U2SURP: variants seen among roughly 807,000 people sequenced by gnomAD.
The protein encoded by U2SURP is U2 snRNP associated SURP domain containing.
U2SURP carries 9 observed loss-of-function variants against 144.9 expected under a neutral mutation model. The observed-to-expected ratio is 0.06, with a 90% CI of 0.04 to 0.11. U2SURP has a LOEUF of 0.11. Among genes scored for constraint, U2SURP ranks in the 10% least tolerant of loss-of-function variants. The pLI, the probability that U2SURP is intolerant of heterozygous loss-of-function variation, is 1.00. For missense variants in U2SURP, 724 were observed against 1,226.7 expected, an observed-to-expected ratio of 0.59 and a Z score of 6.12; for synonymous variants, 408 against 396.8, an observed-to-expected ratio of 1.03 and a Z score of -0.33.
intron 24 of U2SURP, among the ~76,000 whole-genome samples, chr3:143,047,057 C>T (rs1481911612): frequency 8.3e-6 from 1 of 120,894 alleles, no homozygotes; most frequent in Admixed American, 7.8e-5. Flanking sequence ...CTGACCCCCC[C>T]ACCTCCCTCC....
chr3:143,034,988 T>C lies in U2SURP; in HGVS notation c.1941+13T>C, dbSNP rs1227434368. The stretch of plus-strand genomic sequence containing the variant: ...TGAAAACTTTAAGGTACGTTTATTG[T>C]TTTACTATTTTTGCCCTAGTGTTTT... On this transcript the variant is annotated intron_variant, in intron 19 of 27. Transcript: ENST00000473835. 7.9e-7 allele frequency: 1 copy of C among 1,271,728 alleles called. No individual in the cohort carries two copies. The highest frequency in any genetic ancestry group is 1.5e-5 in the African/African-American group (1 of 65,492). 78.8% of individuals were successfully genotyped at this position (1,271,728 alleles called of 1,614,324 possible).
intron 16 of U2SURP, among the ~76,000 whole-genome samples, chr3:143,032,567 CAT>C (rs567979736): frequency 6.6e-6 from 1 of 152,258 alleles, no homozygotes; most frequent in South Asian, 2.1e-4. Context: ...AAGCTGAAAA[CAT>C]AATTGGAATC....
chr3:143,014,469 A>G, intron 4 of U2SURP, 60 bp downstream of exon 4: 1 of 1,192,100 alleles, frequency 8.4e-7, no homozygotes. Flanking sequence ...AGGGGTTAGT[A>G]AGTGTATTAG....
intron 18 of U2SURP, among the ~76,000 whole-genome samples, chr3:143,034,092 C>T (rs945206639): frequency 6.6e-6 from 1 of 152,106 alleles, no homozygotes; most frequent in Non-Finnish European, 1.5e-5. Flanking sequence ...AAGGAAGTTA[C>T]GTTGCTGTAT....
intron 6 of U2SURP, among the ~76,000 whole-genome samples, chr3:143,018,176 T>A (rs1458195277): frequency 6.6e-6 from 1 of 152,198 alleles, no homozygotes; most frequent in Non-Finnish European, 1.5e-5. Flanking sequence ...AAGAAATCCC[T>A]ACCCATTATC....
intron 9 of U2SURP, 34 bp downstream of exon 9, chr3:143,021,419 T>C (rs376103778): frequency 9.3e-5 from 149 of 1,607,984 alleles, no homozygotes; most frequent in Middle Eastern, 4.9e-4. Flanking sequence ...AATCGATAAA[T>C]TTTCCAAACT....
intron 6 of U2SURP, among the ~76,000 whole-genome samples, chr3:143,019,362 A>T (rs1936526625): frequency 1.3e-5 from 2 of 152,194 alleles, no homozygotes. Context: ...AAGATTATGA[A>T]TATTCATTCC....
At chr3:143,055,221 T>A (rs1935084406) in intron 27 of U2SURP, 102 bp downstream of exon 27, 10 of 1,020,022 alleles carry the variant, frequency 9.8e-6, no homozygotes, top group African/African-American at 1.7e-5. Context: ...TTTTTTTTTT[T>A]AAGGATTTTA....
rs2108268572 is a variant in U2SURP, at chr3:143,008,220, G to T, written c.46-2595G>T. 2.0e-5 allele frequency among the ~76,000 whole-genome samples: 3 copies of T among 152,060 alleles called. No individual in the cohort carries two copies. In the South Asian group the frequency reaches 6.2e-4, roughly 32 times the overall value. On this transcript the variant is annotated intron_variant, in intron 1 of 27. Transcript: ENST00000473835. ...TTTAATTTGGTGAATGGTTACGCAA[G>T]TGAGATCCTTGAAGATTATAGAGCT...
chr3:143,011,324 A>G (rs1304033723), intron 2 of U2SURP, among the ~76,000 whole-genome samples: 1 of 152,166 alleles, frequency 6.6e-6, no homozygotes. Context: ...TAAAGCTTTC[A>G]AGTAACATTT....
intron 4 of U2SURP, among the ~76,000 whole-genome samples, chr3:143,015,521 A>G (rs1377716745): frequency 6.6e-6 from 1 of 151,980 alleles, no homozygotes; most frequent in Non-Finnish European, 1.5e-5. Flanking sequence ...ATTAAATCAG[A>G]TTATTTTGTA....
intron 4 of U2SURP, 74 bp from the exon 5 acceptor site, chr3:143,016,183 C>A: frequency 7.5e-7 from 1 of 1,336,742 alleles, no homozygotes; most frequent in Non-Finnish European, 1.1e-6. Flanking sequence ...CCATATTATT[C>A]CTTGATGAAT....
chr3:143,021,807 A>G (rs1936648396), intron 10 of U2SURP, among the ~76,000 whole-genome samples: 1 of 152,174 alleles, frequency 6.6e-6, no homozygotes, highest in Non-Finnish European at 1.5e-5. Flanking sequence ...GGGTGTGACC[A>G]TTGATGAATA....
chr3:143,020,680 T>A lies in U2SURP; in HGVS notation c.720T>A (p.Gly240=). The A allele has an allele frequency of 6.2e-7, 1 of 1,612,550 alleles. No individual in the cohort carries two copies. Among genetic ancestry groups the A allele is most frequent in the South Asian group, 1.1e-5 (1 of 90,696 alleles). Reference sequence around the variant, plus strand: ...AACCTCCTCAGTCAGATTCTGATGGTCAGCGTCGTTCTAGTAAGTGGCATT... The same window carrying A: ...AACCTCCTCAGTCAGATTCTGATGGACAGCGTCGTTCTAGTAAGTGGCATT... ...RFEPPQSDSD[G]QRRSMDAPSR... is the part of the protein sequence containing the mutation. The change falls in exon 8 of 28, where the codon GGT becomes GGA. Residue 240 remains glycine, a synonymous_variant. Transcript: ENST00000473835.
chr3:143,056,165 A>G (rs1474582169), intron 27 of U2SURP, 147 bp from the exon 28 acceptor site: 2 of 746,914 alleles, frequency 2.7e-6, no homozygotes, highest in East Asian at 2.7e-5. Flanking sequence ...TGTGTGTACA[A>G]TAGAGTTTAA....
At chr3:143,013,412 ATAGT>A (rs750606386) in intron 3 of U2SURP, among the ~76,000 whole-genome samples, 3 of 152,104 alleles carry the variant, frequency 2.0e-5, no homozygotes, top group South Asian at 4.1e-4. Context: ...TAAATTTAAA[ATAGT>A]TAGCAGCAAT....
At chr3:143,049,554 A>G (rs960048555) in intron 24 of U2SURP, among the ~76,000 whole-genome samples, 1 of 152,154 alleles carries the variant, frequency 6.6e-6, no homozygotes, top group Non-Finnish European at 1.5e-5. Flanking sequence ...GGTATCATCC[A>G]AGATCCATGT....
At position 143,016,390 on chromosome 3, in the gene U2SURP, A is replaced by G; in HGVS notation, c.436+19A>G. ...GCTAAAGGTAAGTTTATAAAGTATAACTGCTAATAAAGCATAACTGTATTA... is the reference window on the plus strand; with the variant it reads ...GCTAAAGGTAAGTTTATAAAGTATAGCTGCTAATAAAGCATAACTGTATTA... On this transcript the variant is annotated intron_variant, in intron 5 of 27. Coordinates refer to ENST00000473835, the MANE Select transcript of U2SURP (RefSeq NM_001080415.2). 6.3e-7 allele frequency: 1 copy of G among 1,597,488 alleles called. No homozygotes were observed. Among genetic ancestry groups the G allele is most frequent in the Non-Finnish European group, 8.6e-7 (1 of 1,166,338 alleles).
Position 143,038,876 on chromosome 3 carries a change from C to G in U2SURP, c.2318-18C>G, listed in dbSNP as rs1021300880. 6.5e-7 allele frequency: 1 copy of G among 1,528,048 alleles called. No individual in the cohort carries two copies. Among genetic ancestry groups the G allele is most frequent in the African/African-American group, 1.4e-5 (1 of 71,388 alleles). The allele number at this position is 1,528,048 out of a possible 1,614,324, so 94.7% of individuals were successfully genotyped here. A position where few individuals can be genotyped will look rare whatever the true frequency, so the allele number is the denominator to read the frequency against. On this transcript the variant is annotated intron_variant, in intron 22 of 27. Transcript: ENST00000473835. ...AGTTTACCTCGTGGAATTACATCCT[C>G]CTTTTCCTTTCATTCAGCTGTTACA...
Sources: gnomAD v4.1 joint callset for allele counts (sites outside exome capture counted in the v4.1 genomes callset) on GRCh38, gnomAD v4.1.1 for gene constraint, MANE v1.5 for transcripts, NCBI Gene and HGNC (gene_info 2026-07-23, HGNC 2026-07-21) for gene names.